HERC3: variants seen among roughly 807,000 people sequenced by gnomAD.
The protein encoded by HERC3 is probable E3 ubiquitin-protein ligase HERC3.
A neutral mutation model predicts 129.9 loss-of-function variants in HERC3; 58 were observed. The observed-to-expected ratio is 0.45, with a 90% CI of 0.36 to 0.56. The LOEUF (loss-of-function observed/expected upper bound fraction) is 0.56, where lower values mean the gene tolerates loss of function less well. Ranked by LOEUF, HERC3 falls within the 20% of genes least tolerant of loss-of-function variation. The probability of loss-of-function intolerance (pLI) is 0.00; values close to 1 mark genes in which losing one functional copy is unlikely to be tolerated. For missense variants in HERC3, 835 were observed against 1,244.2 expected (o/e 0.67, Z 4.95); for synonymous variants, 430 against 451.0 (o/e 0.95, Z 0.59).
the HERC3 span, among the ~76,000 whole-genome samples, chr4:88,541,805 CACA>C: frequency 6.6e-6 from 1 of 152,262 alleles, no homozygotes; most frequent in Admixed American, 6.5e-5. Context: ...CTTAAAACCG[CACA>C]ACTACATGGA....
intron 3 of HERC3, among the ~76,000 whole-genome samples, chr4:88,638,367 A>G (rs1330186047): frequency 1.3e-5 from 2 of 152,262 alleles, no homozygotes; most frequent in Admixed American, 6.5e-5. Flanking sequence ...AACCAAATCC[A>G]GCAGCACATC....
chr4:88,597,149 T>C (rs1722487805), intron 2 of HERC3, among the ~76,000 whole-genome samples: 1 of 152,240 alleles, frequency 6.6e-6, no homozygotes, highest in Non-Finnish European at 1.5e-5. Context: ...GGTGCATATG[T>C]TCATGAGTTT....
intron 2 of HERC3, 139 bp from the exon 3 acceptor site, chr4:88,605,654 AAT>A (rs1279338700): frequency 9.2e-6 from 5 of 546,026 alleles, no homozygotes; most frequent in African/African-American, 3.8e-5. Flanking sequence ...CAACAGTATT[AAT>A]ATGTTTTATT....
At chr4:88,627,722 G>T (rs1371473721) in intron 3 of HERC3, among the ~76,000 whole-genome samples, 3 of 151,808 alleles carry the variant, frequency 2.0e-5, no homozygotes, top group African/African-American at 4.8e-5. Flanking sequence ...GGCTGACATG[G>T]TGAAACCCTG....
At chr4:88,546,997 C>A in the HERC3 span, among the ~76,000 whole-genome samples, 1 of 152,094 alleles carries the variant, frequency 6.6e-6, no homozygotes, top group Non-Finnish European at 1.5e-5. Flanking sequence ...ATTGAAATTC[C>A]ACAACAGACA....
intron 3 of HERC3, among the ~76,000 whole-genome samples, chr4:88,624,452 T>C (rs924131642): frequency 6.6e-6 from 1 of 152,236 alleles, no homozygotes; most frequent in Non-Finnish European, 1.5e-5. Context: ...CGTTTTAATA[T>C]ACACTTCCTT....
upstream of HERC3, among the ~76,000 whole-genome samples, chr4:88,588,245 CT>C (rs944494634): frequency 6.6e-6 from 1 of 152,162 alleles, no homozygotes; most frequent in African/African-American, 2.4e-5. Context: ...TGCTTCTTGT[CT>C]AGCAGTACTA....
the HERC3 span, among the ~76,000 whole-genome samples, chr4:88,530,065 G>A: frequency 9.0e-4 from 137 of 152,174 alleles, no homozygotes; most frequent in African/African-American, 3.3e-3. Flanking sequence ...TGAGGCAGGC[G>A]GATCACCTGA....
the HERC3 span, among the ~76,000 whole-genome samples, chr4:88,549,320 T>TAAAA: frequency 7.5e-4 from 111 of 148,610 alleles, no homozygotes; most frequent in Middle Eastern, 6.9e-3. Flanking sequence ...TAACTTTTTT[T>TAAAA]AAAAAAAAAA....
chr4:88,573,817 C>T, the HERC3 span, among the ~76,000 whole-genome samples: 1 of 152,182 alleles, frequency 6.6e-6, no homozygotes, highest in Non-Finnish European at 1.5e-5. Context: ...TCACATTCCT[C>T]CTCCAAAAAT....
In HERC3 at chr4:88,647,099, TG is replaced by T. The variant is rs1728773258; in HGVS notation, c.227-2738del. ...GAGCTCAGGTGCGGCTGGTGAGTGATGGGACAGGAATTGGTTTGCCTAGAGA... is the reference window on the plus strand; with the variant it reads ...GAGCTCAGGTGCGGCTGGTGAGTGATGGACAGGAATTGGTTTGCCTAGAGA... On this transcript the variant is annotated intron_variant, in intron 3 of 25. Coordinates refer to ENST00000402738, the MANE Select transcript of HERC3 (RefSeq NM_014606.3). Among the ~76,000 whole-genome samples the T allele has an allele frequency of 1.3e-5, 2 of 152,096 alleles. 1 individual carries two copies. The highest frequency in any genetic ancestry group is 2.9e-5 in the Non-Finnish European group (2 of 68,018).
intron 4 of HERC3, among the ~76,000 whole-genome samples, chr4:88,650,844 A>C (rs995278420): frequency 3.3e-5 from 5 of 152,190 alleles, no homozygotes; most frequent in Non-Finnish European, 7.4e-5. Flanking sequence ...GCTGAGTACA[A>C]ATTTAATAAA....
chr4:88,645,023 G>A (rs1043292241), intron 3 of HERC3, among the ~76,000 whole-genome samples: 4 of 152,150 alleles, frequency 2.6e-5, no homozygotes, highest in Non-Finnish European at 4.4e-5. Flanking sequence ...CATCTTCTGT[G>A]TTGGGAACTG....
At chr4:88,574,449 C>G in the HERC3 span, among the ~76,000 whole-genome samples, 1 of 152,124 alleles carries the variant, frequency 6.6e-6, no homozygotes, top group Non-Finnish European at 1.5e-5. Flanking sequence ...AATTTACCAT[C>G]TTAACCATTT....
At chr4:88,632,359 G>A (rs780999851) in intron 3 of HERC3, among the ~76,000 whole-genome samples, 32 of 152,120 alleles carry the variant, frequency 2.1e-4, no homozygotes, top group Non-Finnish European at 3.8e-4. Context: ...ATCTTGTAAC[G>A]TAATATCCAA....
Position 88,669,941 on chromosome 4 carries a change from G to A in HERC3, c.1715G>A (p.Arg572Lys), listed in dbSNP as rs574246056. The A allele has an allele frequency of 8.3e-5, 134 of 1,613,586 alleles. No individual in the cohort carries two copies. The South Asian group carries it at 1.4e-3, about 17-fold the overall frequency. Reference sequence around the variant, plus strand: ...AAAGGTGCAGTCCTTTATCTACTGAGGGGAAGAAAGACATTCTTAATTCCC... The same window carrying A: ...AAAGGTGCAGTCCTTTATCTACTGAAGGGAAGAAAGACATTCTTAATTCCC... ...LYKGAVLYLL[R>K]GRKTFLIPVL... The change falls in exon 15 of 26, where the codon AGG becomes AAG. Residue 572 changes from arginine (R) to lysine (K), a missense_variant. Transcript: ENST00000402738.
intron 6 of HERC3, among the ~76,000 whole-genome samples, chr4:88,653,578 A>C (rs1176040921): frequency 6.6e-6 from 1 of 152,180 alleles, no homozygotes; most frequent in East Asian, 1.9e-4. Flanking sequence ...TTTCTCAGTG[A>C]GAGGGGAAGA....
In HERC3 at chr4:88,653,044, C is replaced by T; in HGVS notation, c.639C>T (p.Gly213=). The change falls in exon 6 of 26, where the codon GGC becomes GGT. Residue 213 remains glycine, a synonymous_variant. Coordinates refer to ENST00000402738, the MANE Select transcript of HERC3 (RefSeq NM_014606.3). The part of the protein sequence containing the change: ...FALSLSGAVF[G]WGMNNAGQLG... Reference sequence around the variant, plus strand: ...TGTCTCTCTCAGGAGCTGTTTTTGGCTGGGGGATGAATAATGCCGGGCAGC... The same window carrying T: ...TGTCTCTCTCAGGAGCTGTTTTTGGTTGGGGGATGAATAATGCCGGGCAGC... 1 of 1,614,176 alleles carries T rather than the reference C, an allele frequency of 6.2e-7. No individual in the cohort carries two copies. Among genetic ancestry groups the T allele is most frequent in the African/African-American group, 1.3e-5 (1 of 75,052 alleles).
upstream of HERC3, among the ~76,000 whole-genome samples, chr4:88,588,468 G>A (rs886575336): frequency 1.1e-4 from 17 of 152,114 alleles, no homozygotes; most frequent in African/African-American, 4.1e-4. Flanking sequence ...GGACGTGGGG[G>A]ACCAAGAAAC....
Sources: gnomAD v4.1 joint callset for allele counts (sites outside exome capture counted in the v4.1 genomes callset) on GRCh38, gnomAD v4.1.1 for gene constraint, MANE v1.5 for transcripts, NCBI Gene and HGNC (gene_info 2026-07-23, HGNC 2026-07-21) for gene names.